LRRC4C: variants seen among roughly 807,000 people sequenced by gnomAD.
The protein encoded by LRRC4C is leucine-rich repeat-containing protein 4C.
A neutral mutation model predicts 33.6 loss-of-function variants in LRRC4C; 5 were observed. The ratio of observed to expected loss-of-function variants is 0.15; its 90% CI spans 0.08 to 0.31. The LOEUF is 0.31. Ranked by LOEUF, LRRC4C falls within the 10% of genes least tolerant of loss-of-function variation. LRRC4C has a pLI of 1.00. For missense variants in LRRC4C, 560 were observed against 796.7 expected (o/e 0.70, Z 3.58); for synonymous variants, 329 against 302.0 (o/e 1.09, Z -0.93).
chr11:41,319,211 T>C (rs1422052411), intron 1 of LRRC4C, among the ~76,000 whole-genome samples: 1 of 152,154 alleles, frequency 6.6e-6, no homozygotes, highest in East Asian at 1.9e-4. Context: ...GGAAAAAAAC[T>C]AACTAAGTAG....
chr11:40,574,171 T>C (rs892676177), intron 3 of LRRC4C, among the ~76,000 whole-genome samples: 4 of 152,236 alleles, frequency 2.6e-5, no homozygotes, highest in African/African-American at 9.6e-5. Flanking sequence ...TGTAACATTT[T>C]AAAGTCAAGG....
At chr11:41,441,487 C>CTT (rs535444617) in intron 1 of LRRC4C, among the ~76,000 whole-genome samples, 4 of 144,688 alleles carry the variant, frequency 2.8e-5, no homozygotes, top group African/African-American at 7.6e-5. Context: ...TTTCAACGCT[C>CTT]TTTTTTTTTT....
At chr11:40,529,562 G>T (rs923621299) in intron 3 of LRRC4C, among the ~76,000 whole-genome samples, 1 of 152,108 alleles carries the variant, frequency 6.6e-6, no homozygotes, top group South Asian at 2.1e-4. Context: ...GCTGCCCAGA[G>T]GTCAAGTAAG....
intron 3 of LRRC4C, among the ~76,000 whole-genome samples, chr11:40,610,329 T>C (rs941539051): frequency 6.6e-6 from 1 of 151,484 alleles, no homozygotes; most frequent in Non-Finnish European, 1.5e-5. Context: ...CTTTTTACAA[T>C]AAAAACACTC....
chr11:41,304,143 C>G (rs1231630925), intron 1 of LRRC4C, among the ~76,000 whole-genome samples: 2 of 89,958 alleles, frequency 2.2e-5, no homozygotes, highest in Admixed American at 1.3e-4. Flanking sequence ...CCCCTCAGCC[C>G]GGCCAGCCGC....
chr11:40,559,580 T>A (rs1957467544), intron 3 of LRRC4C, among the ~76,000 whole-genome samples: 1 of 152,178 alleles, frequency 6.6e-6, no homozygotes, highest in African/African-American at 2.4e-5. Context: ...TTTAGCTCTT[T>A]GAGGAATCAC....
At chr11:40,624,525 G>T (rs1010273732) in intron 3 of LRRC4C, among the ~76,000 whole-genome samples, 2 of 152,076 alleles carry the variant, frequency 1.3e-5, no homozygotes, top group African/African-American at 2.4e-5. Flanking sequence ...TGCCCCAAAT[G>T]GTTTCTCATT....
intron 1 of LRRC4C, among the ~76,000 whole-genome samples, chr11:41,011,144 T>C (rs543074199): frequency 4.6e-5 from 7 of 152,306 alleles, no homozygotes; most frequent in African/African-American, 1.4e-4. Context: ...TGAAGTTGAA[T>C]TGTAAACTAT....
intron 3 of LRRC4C, among the ~76,000 whole-genome samples, chr11:40,324,145 A>G (rs891704056): frequency 1.3e-5 from 2 of 152,362 alleles, no homozygotes; most frequent in East Asian, 3.9e-4. Flanking sequence ...ATTGACATCC[A>G]TGATTAGGCA....
At chr11:41,364,986 T>C (rs572116478) in intron 1 of LRRC4C, among the ~76,000 whole-genome samples, 62 of 152,300 alleles carry the variant, frequency 4.1e-4, no homozygotes, top group Non-Finnish European at 7.5e-4. Flanking sequence ...TGTGTGTGTG[T>C]GTGCACGTGA....
intron 1 of LRRC4C, among the ~76,000 whole-genome samples, chr11:40,975,010 C>T (rs1347161954): frequency 6.6e-6 from 1 of 152,188 alleles, no homozygotes; most frequent in Non-Finnish European, 1.5e-5. Context: ...AAGCTACCAG[C>T]ATCCCAGGGT....
intron 1 of LRRC4C, among the ~76,000 whole-genome samples, chr11:41,413,786 T>A (rs1023627250): frequency 3.9e-5 from 6 of 152,198 alleles, no homozygotes; most frequent in Non-Finnish European, 7.3e-5. Flanking sequence ...GGAGTTTAAA[T>A]CAAGGTGTTG....
chr11:40,774,951 T>G (rs895836698), intron 2 of LRRC4C, among the ~76,000 whole-genome samples: 1 of 152,114 alleles, frequency 6.6e-6, no homozygotes, highest in Non-Finnish European at 1.5e-5. Flanking sequence ...CTCTGCTCTG[T>G]TTTCAAATTA....
At chr11:40,137,990 C>T (rs561646813) in intron 6 of LRRC4C, among the ~76,000 whole-genome samples, 3 of 152,236 alleles carry the variant, frequency 2.0e-5, no homozygotes, top group South Asian at 2.1e-4. Context: ...AACTTACATA[C>T]GCAGTTTTAT....
chr11:40,443,746 T>C (rs752938147), intron 3 of LRRC4C, among the ~76,000 whole-genome samples: 1 of 152,090 alleles, frequency 6.6e-6, no homozygotes, highest in African/African-American at 2.4e-5. Context: ...AGCAGAAAAA[T>C]AAAATTTTAA....
At chr11:41,438,904 A>G (rs1398508907) in intron 1 of LRRC4C, among the ~76,000 whole-genome samples, 1 of 152,084 alleles carries the variant, frequency 6.6e-6, no homozygotes, top group Non-Finnish European at 1.5e-5. Flanking sequence ...TTGTTTTAGC[A>G]ACTGATTCAT....
intron 4 of LRRC4C, among the ~76,000 whole-genome samples, chr11:40,297,612 G>C (rs10128639): frequency 0.49 from 74,702 of 151,466 alleles, 18,633 homozygotes; most frequent in Admixed American, 0.59. Context: ...AAGGTCCCCC[G>C]CCGACCCATG....
At chr11:40,340,636 A>C (rs896339097) in intron 3 of LRRC4C, among the ~76,000 whole-genome samples, 1 of 152,176 alleles carries the variant, frequency 6.6e-6, no homozygotes, top group Non-Finnish European at 1.5e-5. Context: ...AATTCTTACA[A>C]TTCTACAATA....
At chr11:40,480,607 A>T (rs557457116) in intron 3 of LRRC4C, among the ~76,000 whole-genome samples, 47 of 151,890 alleles carry the variant, frequency 3.1e-4, no homozygotes, top group Non-Finnish European at 6.3e-4. Flanking sequence ...CTGCACATGT[A>T]CTCCTGAACC....
Sources: allele counts gnomAD v4.1 joint callset (sites outside exome capture counted in the v4.1 genomes callset), GRCh38; gene constraint gnomAD v4.1.1; transcripts MANE v1.5; gene names NCBI Gene and HGNC (gene_info 2026-07-23, HGNC 2026-07-21).